MTCL1: variants seen among roughly 807,000 people sequenced by gnomAD.
MTCL1 encodes the protein microtubule cross-linking factor 1.
MTCL1 carries 79 observed loss-of-function variants against 141.4 expected under a neutral mutation model. That is an observed-to-expected ratio of 0.56 (90% CI 0.47 to 0.67). The LOEUF (loss-of-function observed/expected upper bound fraction) is 0.67. Ranked by LOEUF, MTCL1 falls within the 30% of genes least tolerant of loss-of-function variation. MTCL1 has a pLI of 0.00. For missense variants in MTCL1, 2,177 were observed against 2,113.9 expected (o/e 1.03, Z -0.59); for synonymous variants, 914 against 875.8 (o/e 1.04, Z -0.77).
chr18:8,714,463 T>TA (rs551119647), upstream of MTCL1, among the ~76,000 whole-genome samples: 34 of 152,272 alleles, frequency 2.2e-4, no homozygotes, highest in East Asian at 4.1e-3. Context: ...CTAGACTGGG[T>TA]AATTTATAAA....
At chr18:8,739,082 T>A (rs969543928) in intron 4 of MTCL1, among the ~76,000 whole-genome samples, 1 of 151,976 alleles carries the variant, frequency 6.6e-6, no homozygotes, top group Non-Finnish European at 1.5e-5. Flanking sequence ...CTACAAAAAT[T>A]AAAATTAAAA....
chr18:8,799,583 C>A (rs1369547500), intron 10 of MTCL1, among the ~76,000 whole-genome samples: 1 of 152,212 alleles, frequency 6.6e-6, no homozygotes, highest in Non-Finnish European at 1.5e-5. Flanking sequence ...GCAAATAATG[C>A]TTTACAATCT....
At chr18:8,793,821 C>G (rs1568050012) in intron 8 of MTCL1, among the ~76,000 whole-genome samples, 1 of 152,338 alleles carries the variant, frequency 6.6e-6, no homozygotes, top group East Asian at 1.9e-4. Context: ...AGCGGTTGAT[C>G]TTGAATAGAG....
exon 15 of MTCL1, chr18:8,825,120 A>C (rs1184708828): frequency 6.3e-7 from 1 of 1,596,726 alleles, no homozygotes; most frequent in Non-Finnish European, 8.5e-7. Flanking sequence ...CAGGGTCGAC[A>C]GCATCACGGC....
chr18:8,801,020 C>G (rs1458240805), intron 10 of MTCL1, among the ~76,000 whole-genome samples: 26 of 152,298 alleles, frequency 1.7e-4, no homozygotes, highest in African/African-American at 5.8e-4. Flanking sequence ...TGAAGAGCCT[C>G]ATCCAGTCCA....
At chr18:8,794,435 A>G (rs185668573) in intron 8 of MTCL1, among the ~76,000 whole-genome samples, 249 of 152,306 alleles carry the variant, frequency 1.6e-3, no homozygotes, top group African/African-American at 5.7e-3. Flanking sequence ...AAGGAACTGG[A>G]AAGGGCAGTG....
At chr18:8,806,853 C>G in intron 10 of MTCL1, 40 bp from the exon 10 acceptor site, 1 of 1,602,746 alleles carries the variant, frequency 6.2e-7, no homozygotes, top group Non-Finnish European at 8.5e-7. Context: ...AAAAAATACG[C>G]TTAAAGGAGG....
intron 7 of MTCL1, chr18:8,786,815 A>G: frequency 5.8e-6 from 1 of 171,030 alleles, no homozygotes; most frequent in Non-Finnish European, 1.3e-5. Context: ...TAGAGAATGC[A>G]ATGTCTTGCC....
At chr18:8,831,417 G>A in intron 16 of MTCL1, 190 bp from the exon 15 acceptor site, 3 of 1,416,502 alleles carry the variant, frequency 2.1e-6, no homozygotes, top group Non-Finnish European at 2.8e-6. Context: ...TCATGTCACT[G>A]ATCATTTGTG....
exon 15 of MTCL1, chr18:8,825,592 C>G: frequency 4.3e-6 from 7 of 1,613,800 alleles, no homozygotes; most frequent in Non-Finnish European, 5.9e-6. Context: ...GTGTCGTCTC[C>G]TTCCCGGAGC....
In MTCL1 at chr18:8,739,037, G is replaced by A. The variant is rs544048000; in HGVS notation, c.357+18541G>A. Among the ~76,000 whole-genome samples the A allele has an allele frequency of 6.6e-4, 100 of 152,252 alleles. 1 individual carries two copies. The highest frequency in any genetic ancestry group is 1.8e-3 in the African/African-American group (76 of 41,546). ...GAGGGTTGCTTGAGGCCAGAAGTTCGAGACAAGCTTGGGCAACATAGCAAG... is the reference window on the plus strand; with the variant it reads ...GAGGGTTGCTTGAGGCCAGAAGTTCAAGACAAGCTTGGGCAACATAGCAAG... On this transcript the variant is annotated intron_variant, in intron 4 of 16. Coordinates refer to ENST00000359865, the Ensembl canonical transcript of MTCL1.
intron 4 of MTCL1, among the ~76,000 whole-genome samples, chr18:8,749,310 G>C (rs2096358156): frequency 2.6e-5 from 4 of 152,226 alleles, no homozygotes; most frequent in Admixed American, 2.0e-4. Flanking sequence ...AGTAGGGACA[G>C]GTTAAGAGTT....
At chr18:8,821,743 T>C (rs2076853460) in intron 14 of MTCL1, among the ~76,000 whole-genome samples, 1 of 152,230 alleles carries the variant, frequency 6.6e-6, no homozygotes, top group African/African-American at 2.4e-5. Flanking sequence ...CCAGTTGTTG[T>C]TGTGTTATGT....
chr18:8,746,581 TAA>T (rs1286425337), intron 4 of MTCL1, among the ~76,000 whole-genome samples: 1 of 152,022 alleles, frequency 6.6e-6, no homozygotes, highest in Admixed American at 6.5e-5. Flanking sequence ...CTATGTGGAG[TAA>T]AAATAAGATA....
chr18:8,824,440 C>G (rs146548463), intron 14 of MTCL1, among the ~76,000 whole-genome samples: 3 of 152,184 alleles, frequency 2.0e-5, no homozygotes, highest in African/African-American at 7.2e-5. Flanking sequence ...GTTGGGATTA[C>G]GGGTGTGAGC....
At chr18:8,791,846 A>G (rs1373989693) in intron 7 of MTCL1, among the ~76,000 whole-genome samples, 1 of 151,982 alleles carries the variant, frequency 6.6e-6, no homozygotes, top group Non-Finnish European at 1.5e-5. Flanking sequence ...TGAAAATAAG[A>G]TGTTTAAATC....
intron 4 of MTCL1, among the ~76,000 whole-genome samples, chr18:8,755,980 CA>C (rs1024137300): frequency 8.5e-5 from 13 of 152,132 alleles, no homozygotes; most frequent in African/African-American, 3.1e-4. Flanking sequence ...TCTCTATAAA[CA>C]AAAACATTAC....
intron 12 of MTCL1, among the ~76,000 whole-genome samples, chr18:8,815,384 A>G (rs1206476683): frequency 1.3e-5 from 2 of 151,938 alleles, no homozygotes; most frequent in Non-Finnish European, 2.9e-5. Flanking sequence ...AAAACCGAAC[A>G]CCGCATATTC....
At position 8,784,565 on chromosome 18, in the gene MTCL1, C is replaced by T. The variant is rs200525720; in HGVS notation, c.1453C>T (p.Arg485Trp). 72 of 1,608,464 alleles carry T rather than the reference C, an allele frequency of 4.5e-5. No individual in the cohort carries two copies. The highest frequency in any genetic ancestry group is 1.3e-4 in the East Asian group (6 of 44,798). ...CAGCTTCCTCCATGATGCGGGGCTGCGGGGTGGTGCGCCCTTACCGGGGCC... is the reference window on the plus strand; with the variant it reads ...CAGCTTCCTCCATGATGCGGGGCTGTGGGGTGGTGCGCCCTTACCGGGGCC... The change falls in exon 6 of 17, where the codon CGG becomes TGG. Residue 485 changes from arginine (R) to tryptophan (W), a missense_variant. Physicochemically the swap from Arg to Trp is moderately radical, Grantham distance 101. Transcript: ENST00000359865.
Sources: gnomAD v4.1 joint callset for allele counts (sites outside exome capture counted in the v4.1 genomes callset) on GRCh38, gnomAD v4.1.1 for gene constraint, MANE v1.5 for transcripts, NCBI Gene and HGNC (gene_info 2026-07-23, HGNC 2026-07-21) for gene names.